The following AQR variants were observed in gnomAD, a reference collection of about 807,000 sequenced individuals.
AQR encodes the protein RNA helicase aquarius.
A neutral mutation model predicts 180.5 loss-of-function variants in AQR; 61 were observed. The observed-to-expected ratio is 0.34, with a 90% CI of 0.28 to 0.42. AQR has a LOEUF of 0.42. AQR is among the 10% of genes least tolerant of loss of function. AQR has a pLI of 1.00. For missense variants in AQR, 1,281 were observed against 1,798.3 expected (o/e 0.71, Z 5.20); for synonymous variants, 551 against 588.8 (o/e 0.94, Z 0.93).
Position 34,918,327 on chromosome 15 carries a change from G to C in AQR, c.1273C>G (p.Pro425Ala). ...ATAATTTTCTCAGTTGGATACAAAG[G>C]CATCTGGTTCAACTGCTGAATCTGA... ...ISQIQQLNQMPLYPTEKIIWD... is the reference protein window; with the variant it reads ...ISQIQQLNQMALYPTEKIIWD... The change falls in exon 15 of 35, where the codon CCT (proline) becomes GCT (alanine). Residue 425 changes from proline to alanine, a missense_variant. Coordinates refer to ENST00000156471, the MANE Select transcript of AQR (RefSeq NM_014691.3). 6.2e-7 allele frequency: 1 copy of C among 1,613,512 alleles called. No individual in the cohort carries two copies. The highest frequency in any genetic ancestry group is 8.5e-7 in the Non-Finnish European group (1 of 1,179,696).
chr15:34,955,828 G>A (rs932904080), intron 3 of AQR, among the ~76,000 whole-genome samples: 3 of 150,814 alleles, frequency 2.0e-5, no homozygotes, highest in East Asian at 2.0e-4. Context: ...AGAATCATTC[G>A]AAGCTGGGAG....
In AQR at chr15:34,920,379, T is replaced by G. The variant is rs772955440; in HGVS notation, c.1174A>C (p.Lys392Gln). The change falls in exon 14 of 35, where the codon AAA becomes CAA. Residue 392 changes from lysine to glutamine, a missense_variant. Coordinates refer to ENST00000156471, the MANE Select transcript of AQR (RefSeq NM_014691.3). ...SYLCLLPTLP[K>Q]NEDTTFDKEF... is the part of the protein sequence containing the mutation. ...TTATCAAAAGTTGTGTCTTCATTTT[T>G]AGGAAGAGTTGGCAACAAGCAGAGG... is the stretch of plus-strand genomic sequence containing the variant. 5 of 1,613,642 alleles carry G rather than the reference T, an allele frequency of 3.1e-6. No homozygotes were observed. The highest frequency in any genetic ancestry group is 4.2e-6 in the Non-Finnish European group (5 of 1,179,836).
chr15:34,964,570 A>T, intron 1 of AQR: 1 of 475,386 alleles, frequency 2.1e-6, no homozygotes, highest in Admixed American at 3.0e-5. Context: ...AGCTCAGTTA[A>T]TAACCACAGA....
chr15:34,915,207 C>A (rs1566988497), intron 15 of AQR, 28 bp from the exon 16 acceptor site: 2 of 1,541,056 alleles, frequency 1.3e-6, no homozygotes, highest in Non-Finnish European at 8.7e-7. Flanking sequence ...ATCCATATTT[C>A]AATTTTTTTT....
chr15:34,934,889 T>C (rs1893923130), intron 9 of AQR, among the ~76,000 whole-genome samples: 1 of 152,084 alleles, frequency 6.6e-6, no homozygotes, highest in Admixed American at 6.6e-5. Context: ...AAAATCAGGT[T>C]TGCAAAGATA....
At chr15:34,857,980 T>A (rs1024510223) in intron 34 of AQR, among the ~76,000 whole-genome samples, 2 of 152,058 alleles carry the variant, frequency 1.3e-5, no homozygotes, top group African/African-American at 4.8e-5. Flanking sequence ...AATGAATTGA[T>A]TGATCGATTG....
intron 20 of AQR, among the ~76,000 whole-genome samples, chr15:34,897,977 T>G (rs1394667745): frequency 6.6e-6 from 1 of 152,230 alleles, no homozygotes; most frequent in Non-Finnish European, 1.5e-5. Flanking sequence ...CATTGTAAAG[T>G]GTTTTATTCA....
At chr15:34,896,408 C>T (rs1158258364) in intron 22 of AQR, among the ~76,000 whole-genome samples, 1 of 152,174 alleles carries the variant, frequency 6.6e-6, no homozygotes, top group Non-Finnish European at 1.5e-5. Flanking sequence ...TTTATGAACA[C>T]TGAAGCGAGC....
At chr15:34,948,036 ACT>A (rs926979383) in intron 5 of AQR, 5 of 418,908 alleles carry the variant, frequency 1.2e-5, no homozygotes, top group African/African-American at 1.0e-4. Context: ...CAGAAAAATA[ACT>A]CACATTCATA....
intron 18 of AQR, among the ~76,000 whole-genome samples, chr15:34,905,755 T>TAA (rs11422790): frequency 5.9e-5 from 9 of 151,854 alleles, no homozygotes; most frequent in South Asian, 4.2e-4. Flanking sequence ...GAGTGTTTCT[T>TAA]AAAAAAAATA....
At chr15:34,963,661 C>CTTTTTTTTTCTTTTTTTTTTTTTTT (rs1566793151) in intron 2 of AQR, among the ~76,000 whole-genome samples, 1 of 148,602 alleles carries the variant, frequency 6.7e-6, no homozygotes, top group African/African-American at 2.5e-5. Context: ...TACACGTACA[C>CTTTTTTTTTCTTTTTTTTTTTTTTT]TTTTTTTTTT....
At position 34,854,102 on chromosome 15, in the gene AQR, T is replaced by C. The variant is rs1892552577; in HGVS notation, c.*2690A>G. The C allele has an allele frequency of 7.0e-6, 1 of 143,446 alleles. No individual in the cohort carries two copies. The highest frequency in any genetic ancestry group is 1.5e-5 in the Non-Finnish European group (1 of 66,836). 8.9% of individuals were successfully genotyped at this position (143,446 alleles called of 1,614,324 possible). ...CTTCTCATTCATTTGCCTAAATCAA[T>C]AGAGCTATTTATCCTCAACTGTTGG... is the stretch of plus-strand genomic sequence containing the variant. On this transcript the variant is annotated 3_prime_UTR_variant, in exon 35 of 35. Transcript: ENST00000156471.
intron 17 of AQR, among the ~76,000 whole-genome samples, chr15:34,909,925 A>G (rs1450187617): frequency 2.6e-5 from 4 of 152,264 alleles, no homozygotes; most frequent in Admixed American, 1.3e-4. Flanking sequence ...TTATTAAAGT[A>G]TTAAGATACC....
At position 34,856,966 on chromosome 15, in the gene AQR, T is replaced by C. The variant is rs780657298; in HGVS notation, c.4284A>G (p.Gln1428=). The change falls in exon 35 of 35, where the codon CAA becomes CAG. Residue 1428 remains glutamine, a synonymous_variant. Transcript: ENST00000156471. The part of the protein sequence containing the change: ...IPSPTDTSCR[Q]ETPAFQTDTT... ...TGTCAGTTTGAAAGGCTGGAGTTTC[T>C]TGACGGCAGCTGGTGTCTGTTGGAC... The C allele has an allele frequency of 6.2e-7, 1 of 1,614,172 alleles. No individual in the cohort carries two copies. The highest frequency in any genetic ancestry group is 8.5e-7 in the Non-Finnish European group (1 of 1,180,018).
Position 34,927,090 on chromosome 15 carries a change from T to G in AQR, c.1063A>C (p.Asn355His), listed in dbSNP as rs1176707713. 4 of 1,595,126 alleles carry G rather than the reference T, an allele frequency of 2.5e-6. No individual in the cohort carries two copies. The African/African-American group carries it at 4.0e-5, about 16-fold the overall frequency. The stretch of plus-strand genomic sequence containing the variant: ...TCCCGAGTATCTACTTCTGCCACAT[T>G]TGAGAGGGCAAAATCATAGAGTTCA... ...FPELYDFALSNVAEVDTRESL... is the reference protein window; with the variant it reads ...FPELYDFALSHVAEVDTRESL... Residue 355 changes from asparagine to histidine, a missense_variant, in exon 13 of 35, where the codon AAT (asparagine) becomes CAT (histidine). Asn to His is a moderately conservative substitution (Grantham distance 68). Transcript: ENST00000156471.
At chr15:34,925,432 A>G (rs920015064) in intron 13 of AQR, among the ~76,000 whole-genome samples, 4 of 152,242 alleles carry the variant, frequency 2.6e-5, no homozygotes, top group African/African-American at 9.6e-5. Flanking sequence ...GCAATATGTA[A>G]CAAGTTTTAA....
chr15:34,920,151 T>C (rs1893662018), intron 14 of AQR, among the ~76,000 whole-genome samples, 181 bp downstream of exon 14: 1 of 152,112 alleles, frequency 6.6e-6, no homozygotes, highest in African/African-American at 2.4e-5. Flanking sequence ...AATACTTGAG[T>C]AAAGAAATTC....
intron 5 of AQR, among the ~76,000 whole-genome samples, chr15:34,945,684 G>C (rs1042922791): frequency 6.6e-6 from 1 of 152,186 alleles, no homozygotes; most frequent in African/African-American, 2.4e-5. Context: ...TGAGATGGTA[G>C]TCATTTAATG....
intron 14 of AQR, 30 bp downstream of exon 14, chr15:34,920,302 A>G (rs1893664145): frequency 6.6e-7 from 1 of 1,523,134 alleles, no homozygotes; most frequent in South Asian, 1.2e-5. Context: ...GGAAAACCAC[A>G]TGCAAAATTC....
Sources: gnomAD v4.1 joint callset for allele counts (sites outside exome capture counted in the v4.1 genomes callset) on GRCh38, gnomAD v4.1.1 for gene constraint, MANE v1.5 for transcripts, NCBI Gene and HGNC (gene_info 2026-07-23, HGNC 2026-07-21) for gene names.